The following TTC39B variants were observed in gnomAD, a reference collection of about 807,000 sequenced individuals.
TTC39B encodes tetratricopeptide repeat protein 39B.
A neutral mutation model predicts 96.6 loss-of-function variants in TTC39B; 92 were observed. The observed-to-expected ratio is 0.95, with a 90% confidence interval of 0.80 to 1.13. TTC39B has a LOEUF of 1.13. Ranked by LOEUF, TTC39B falls within the 50% of genes most tolerant of loss-of-function variation. The pLI, the probability that TTC39B is intolerant of heterozygous loss-of-function variation, is 0.00. For missense variants in TTC39B, 955 were observed against 809.3 expected, an observed-to-expected ratio of 1.18 and a Z score of -2.18; for synonymous variants, 367 against 299.4, an observed-to-expected ratio of 1.23 and a Z score of -2.33.
rs552060922 is a variant in TTC39B, at chr9:15,172,009, C to A, written c.*10G>T. On this transcript the variant is annotated 3_prime_UTR_variant, in exon 20 of 20. Transcript: ENST00000512701. Reference sequence around the variant, plus strand: ...CTAATTGAGGAAAAATTCCATCCTTCAAGTTCTGATCAATCTGAGGAAGGT... The same window carrying A: ...CTAATTGAGGAAAAATTCCATCCTTAAAGTTCTGATCAATCTGAGGAAGGT... 2.5e-6 allele frequency: 4 copies of A among 1,607,018 alleles called. No homozygotes were observed. In the South Asian group the frequency reaches 3.3e-5, roughly 13 times the overall value.
chr9:15,290,603 CTA>C (rs1470508484), intron 1 of TTC39B, among the ~76,000 whole-genome samples: 3 of 152,354 alleles, frequency 2.0e-5, no homozygotes, highest in African/African-American at 7.2e-5. Context: ...TTCCTCTACT[CTA>C]TGTTTACTTT....
At chr9:15,211,700 G>T (rs992981145) in intron 4 of TTC39B, among the ~76,000 whole-genome samples, 1 of 152,194 alleles carries the variant, frequency 6.6e-6, no homozygotes, top group African/African-American at 2.4e-5. Context: ...GTTGAAAAAG[G>T]GGCAGCACAC....
chr9:15,188,201 T>A, intron 13 of TTC39B, 69 bp from the exon 14 acceptor site: 1 of 1,464,408 alleles, frequency 6.8e-7, no homozygotes, highest in Non-Finnish European at 9.1e-7. Context: ...AATGGAAAAA[T>A]ACATAAAACA....
At chr9:15,281,514 A>G (rs1384494058) in intron 1 of TTC39B, among the ~76,000 whole-genome samples, 1 of 151,774 alleles carries the variant, frequency 6.6e-6, no homozygotes, top group Admixed American at 6.6e-5. Flanking sequence ...CTGAGAAGTT[A>G]AATCTGTCCT....
intron 19 of TTC39B, 82 bp from the exon 20 acceptor site, chr9:15,172,191 T>C (rs1817697891): frequency 8.8e-6 from 8 of 913,182 alleles, no homozygotes; most frequent in Non-Finnish European, 1.4e-5. Context: ...CTCTCTCTGA[T>C]CTACTTACTT....
chr9:15,273,112 T>A (rs796514157), intron 1 of TTC39B, among the ~76,000 whole-genome samples: 1 of 152,142 alleles, frequency 6.6e-6, no homozygotes, highest in Non-Finnish European at 1.5e-5. Context: ...AACATTTGAG[T>A]GGAAGAGCAG....
At chr9:15,231,240 T>C (rs545563) in intron 2 of TTC39B, among the ~76,000 whole-genome samples, 23,873 of 152,002 alleles carry the variant, frequency 0.16, 2,924 homozygotes, top group East Asian at 0.59. Flanking sequence ...CTTGAACTCC[T>C]AGGCTCAAGC....
chr9:15,278,592 CAAAACAAACA>C (rs1312589552), intron 1 of TTC39B, among the ~76,000 whole-genome samples: 2 of 152,136 alleles, frequency 1.3e-5, no homozygotes, highest in Admixed American at 6.5e-5. Flanking sequence ...CAATTTTACC[CAAAACAAACA>C]AAAACAAACA....
chr9:15,276,275 G>T (rs1823539863), intron 1 of TTC39B, among the ~76,000 whole-genome samples: 1 of 152,188 alleles, frequency 6.6e-6, no homozygotes, highest in African/African-American at 2.4e-5. Flanking sequence ...TACAACACGA[G>T]TGTGCTTCAG....
intron 13 of TTC39B, among the ~76,000 whole-genome samples, chr9:15,188,947 T>C (rs987660870): frequency 2.0e-5 from 3 of 152,016 alleles, no homozygotes; most frequent in East Asian, 1.9e-4. Context: ...TTAATAGGTA[T>C]AGTATATCCA....
intron 17 of TTC39B, among the ~76,000 whole-genome samples, chr9:15,178,309 A>C (rs1818068103): frequency 6.6e-6 from 1 of 152,218 alleles, no homozygotes; most frequent in African/African-American, 2.4e-5. Flanking sequence ...ACAGTGGCTC[A>C]CATCTGTAAT....
At chr9:15,213,659 T>C (rs1322082084) in intron 4 of TTC39B, among the ~76,000 whole-genome samples, 1 of 152,220 alleles carries the variant, frequency 6.6e-6, no homozygotes, top group African/African-American at 2.4e-5. Flanking sequence ...TATTGCCACA[T>C]CTGAAAACTT....
intron 2 of TTC39B, among the ~76,000 whole-genome samples, chr9:15,262,766 A>C (rs1293764199): frequency 6.6e-6 from 1 of 152,194 alleles, no homozygotes; most frequent in Non-Finnish European, 1.5e-5. Context: ...CATTCAAGAG[A>C]AAATACTCAC....
chr9:15,285,256 A>G (rs2616750), intron 1 of TTC39B, among the ~76,000 whole-genome samples: 11,993 of 150,690 alleles, frequency 0.08, 715 homozygotes, highest in African/African-American at 0.17. Flanking sequence ...GCGACAGAGC[A>G]AGACTCCGTC....
At chr9:15,189,961 T>C (rs1012117019) in intron 11 of TTC39B, among the ~76,000 whole-genome samples, 169 bp from the exon 12 acceptor site, 6 of 152,216 alleles carry the variant, frequency 3.9e-5, no homozygotes, top group Non-Finnish European at 8.8e-5. Context: ...GTCTCACCTA[T>C]AACTTTAGTT....
intron 3 of TTC39B, 59 bp downstream of exon 3, chr9:15,225,858 C>T: frequency 6.7e-7 from 1 of 1,495,622 alleles, no homozygotes; most frequent in Non-Finnish European, 9.2e-7. Context: ...TATTATATTC[C>T]TTCAAGGGTG....
chr9:15,234,122 G>A (rs183815096), intron 2 of TTC39B, among the ~76,000 whole-genome samples: 7,299 of 148,344 alleles, frequency 0.049, 228 homozygotes, highest in Middle Eastern at 0.08. Context: ...CTGCCCGGCC[G>A]CCCCGTCTGA....
exon 20 of TTC39B, chr9:15,170,574 G>C (rs920189761): frequency 2.6e-5 from 4 of 151,980 alleles, no homozygotes; most frequent in African/African-American, 9.7e-5. Flanking sequence ...TCCATAGTGG[G>C]GCAACTGAAC....
At chr9:15,281,784 T>C (rs1403988253) in intron 1 of TTC39B, among the ~76,000 whole-genome samples, 1 of 151,968 alleles carries the variant, frequency 6.6e-6, no homozygotes, top group Non-Finnish European at 1.5e-5. Context: ...CAAGCAATTC[T>C]CCCACTTCAG....
Sources: gnomAD v4.1 joint callset for allele counts (sites outside exome capture counted in the v4.1 genomes callset) on GRCh38, gnomAD v4.1.1 for gene constraint, MANE v1.5 for transcripts, NCBI Gene and HGNC (gene_info 2026-07-23, HGNC 2026-07-21) for gene names.